The following ABCC1 variants were observed in gnomAD, a reference collection of about 807,000 sequenced individuals.
ABCC1 encodes ATP binding cassette subfamily C member 1 (ABCC1 blood group), also known as multidrug resistance-associated protein 1.
ABCC1 carries 83 observed loss-of-function variants against 172.9 expected under a neutral mutation model. That is an observed-to-expected ratio of 0.48 (90% CI 0.40 to 0.58). The LOEUF is 0.58. ABCC1 is among the 20% of genes least tolerant of loss of function. The pLI, the probability that ABCC1 is intolerant of heterozygous loss-of-function variation, is 0.00. For missense variants in ABCC1, 1,817 were observed against 2,002.7 expected, an observed-to-expected ratio of 0.91 and a Z score of 1.77; for synonymous variants, 937 against 825.2, an observed-to-expected ratio of 1.14 and a Z score of -2.32.
chr16:16,000,550 A>G (rs918246861), intron 1 of ABCC1, among the ~76,000 whole-genome samples: 1 of 152,206 alleles, frequency 6.6e-6, no homozygotes, highest in Non-Finnish European at 1.5e-5. Context: ...CATCTGCTCA[A>G]TTAGGAAGTG....
At chr16:16,051,340 T>G (rs796226554) in intron 10 of ABCC1, among the ~76,000 whole-genome samples, 9 of 152,100 alleles carry the variant, frequency 5.9e-5, no homozygotes, top group African/African-American at 1.9e-4. Context: ...CTGGCTAAGT[T>G]ATTTATTTTT....
rs1567314343 is a variant in ABCC1, at chr16:16,014,482, T to C, written c.352-9T>C. 2.5e-6 allele frequency: 4 copies of C among 1,612,986 alleles called. No individual in the cohort carries two copies. The highest frequency in any genetic ancestry group is 2.5e-6 in the Non-Finnish European group (3 of 1,179,592). ...CCCAACAACTCCTGTCTTGTGCTTCTCTCCTCAGCTGCTTGCTACCTTTTT... is the reference window on the plus strand; with the variant it reads ...CCCAACAACTCCTGTCTTGTGCTTCCCTCCTCAGCTGCTTGCTACCTTTTT... On this transcript the variant is annotated splice_polypyrimidine_tract_variant and intron_variant, in intron 3 of 30. Transcript: ENST00000399410.
chr16:16,110,116 T>TTC (rs1555500299), intron 21 of ABCC1, among the ~76,000 whole-genome samples: 10 of 150,652 alleles, frequency 6.6e-5, no homozygotes, highest in Admixed American at 2.0e-4. Context: ...TTTTTTTTTT[T>TTC]CCCCCTGGAG....
At chr16:16,124,389 G>A (rs2045332897) in intron 24 of ABCC1, among the ~76,000 whole-genome samples, 8 of 121,498 alleles carry the variant, frequency 6.6e-5, no homozygotes, top group African/African-American at 1.7e-4. Context: ...GTGTGTGTGT[G>A]TGTGTGTGTG....
chr16:16,134,621 CGTTCTTT>C (rs1484905536), intron 28 of ABCC1, 113 bp downstream of exon 28: 12 of 495,072 alleles, frequency 2.4e-5, no homozygotes, highest in African/African-American at 1.8e-4. Context: ...CCTACTTCAT[CGTTCTTT>C]TTTTTTTTTT....
intron 1 of ABCC1, among the ~76,000 whole-genome samples, chr16:15,965,865 G>A (rs2046231212): frequency 6.6e-6 from 1 of 152,168 alleles, no homozygotes; most frequent in Non-Finnish European, 1.5e-5. Context: ...GGGATTACAG[G>A]CGAGAGCCAC....
rs2045197797 is a variant in ABCC1, at chr16:16,122,190, C to T, written c.3590+16C>T. The stretch of plus-strand genomic sequence containing the variant: ...TGGCCAACAGGTGGGCATGGTGGGC[C>T]TGCAGGAGCGGGTGGAGGAGGCCGC... On this transcript the variant is annotated intron_variant, in intron 24 of 30. Transcript: ENST00000399410. 2 of 1,613,702 alleles carry T rather than the reference C, an allele frequency of 1.2e-6. No homozygotes were observed. The highest frequency in any genetic ancestry group is 1.3e-5 in the African/African-American group (1 of 75,032).
At chr16:16,043,291 G>A (rs965717181) in intron 7 of ABCC1, among the ~76,000 whole-genome samples, 9 of 94,416 alleles carry the variant, frequency 9.5e-5, no homozygotes, top group African/African-American at 1.3e-4. Context: ...GATGATTGTT[G>A]TTCTTTTTTT....
intron 7 of ABCC1, among the ~76,000 whole-genome samples, chr16:16,043,243 T>TTTTTTTTTCCC (rs1021835519): frequency 2.1e-5 from 3 of 140,872 alleles, no homozygotes; most frequent in Admixed American, 7.1e-5. Context: ...TTTTTTTTTT[T>TTTTTTTTTCCC]CCACTGATGT....
chr16:16,023,501 G>A (rs992264876), intron 5 of ABCC1, among the ~76,000 whole-genome samples: 12 of 152,122 alleles, frequency 7.9e-5, no homozygotes, highest in Non-Finnish European at 1.6e-4. Flanking sequence ...ATCTTGGACC[G>A]TTGATTAAAG....
intron 26 of ABCC1, among the ~76,000 whole-genome samples, chr16:16,130,285 G>A (rs1027735039): frequency 8.5e-5 from 13 of 152,234 alleles, no homozygotes; most frequent in African/African-American, 3.1e-4. Context: ...TGTCGTGTCT[G>A]TCCAGAGAAG....
chr16:15,967,299 A>C (rs987703172), intron 1 of ABCC1, among the ~76,000 whole-genome samples: 1 of 152,066 alleles, frequency 6.6e-6, no homozygotes, highest in Non-Finnish European at 1.5e-5. Flanking sequence ...TAGACGATTC[A>C]GGTTAATTCA....
chr16:16,017,922 G>A (rs2048061393), intron 5 of ABCC1, among the ~76,000 whole-genome samples: 1 of 152,168 alleles, frequency 6.6e-6, no homozygotes, highest in Non-Finnish European at 1.5e-5. Context: ...GGGAGGTGTG[G>A]AGAGAACAGC....
chr16:15,968,430 CAG>C (rs2046295456), intron 1 of ABCC1, among the ~76,000 whole-genome samples: 1 of 151,716 alleles, frequency 6.6e-6, no homozygotes, highest in Non-Finnish European at 1.5e-5. Flanking sequence ...TTTTTTGAGA[CAG>C]AGTCTTGCTC....
In ABCC1 at chr16:16,007,960, A is replaced by T. The variant is rs757442182; in HGVS notation, c.193A>T (p.Ile65Phe). 1 of 1,450,154 alleles carries T rather than the reference A, an allele frequency of 6.9e-7. No individual in the cohort carries two copies. Among genetic ancestry groups the T allele is most frequent in the South Asian group, 1.1e-5 (1 of 87,418 alleles). 89.8% of individuals were successfully genotyped at this position (1,450,154 alleles called of 1,614,324 possible). The change falls in exon 2 of 31, where the codon ATT becomes TTT. Residue 65 changes from isoleucine to phenylalanine, a missense_variant. By Grantham distance (21) the Ile-to-Phe change is conservative. This residue lies in a region of ABCC1 where 398 missense variants were observed against 384.2 expected (regional missense o/e 1.04). Coordinates refer to ENST00000399410, the MANE Select transcript of ABCC1 (RefSeq NM_004996.4). ...LYLSRHDRGY[I>F]QMTPLNKTKT... ...TCTCTCCCGACATGACCGAGGCTACATTCAGATGACACCTCTCAACAAAAC... is the reference window on the plus strand; with the variant it reads ...TCTCTCCCGACATGACCGAGGCTACTTTCAGATGACACCTCTCAACAAAAC...
chr16:16,086,695 C>G, intron 17 of ABCC1, 129 bp from the exon 18 acceptor site: 1 of 957,184 alleles, frequency 1.0e-6, no homozygotes, highest in Non-Finnish European at 1.6e-6. Context: ...TCTCAAACCC[C>G]TGGTCTCAAG....
At chr16:16,075,297 G>A (rs2050512949) in intron 14 of ABCC1, among the ~76,000 whole-genome samples, 1 of 151,956 alleles carries the variant, frequency 6.6e-6, no homozygotes, top group African/African-American at 2.4e-5. Context: ...ACAGGAAGAA[G>A]AGTAAAAGAA....
intron 1 of ABCC1, among the ~76,000 whole-genome samples, chr16:15,978,466 T>C (rs1022630027): frequency 1.3e-5 from 2 of 152,206 alleles, no homozygotes; most frequent in Non-Finnish European, 2.9e-5. Flanking sequence ...TTTGTGAAAC[T>C]CTTTTCTGGA....
At chr16:16,111,850 C>G (rs1223411224) in intron 22 of ABCC1, among the ~76,000 whole-genome samples, 1 of 152,164 alleles carries the variant, frequency 6.6e-6, no homozygotes, top group Non-Finnish European at 1.5e-5. Flanking sequence ...ACAGAGGCCT[C>G]TGGAAGCACT....
Sources: allele counts gnomAD v4.1 joint callset (sites outside exome capture counted in the v4.1 genomes callset), GRCh38; gene constraint gnomAD v4.1.1; regional missense constraint gnomAD v4.1.1; transcripts MANE v1.5; gene names NCBI Gene and HGNC (gene_info 2026-07-23, HGNC 2026-07-21).